RGS13: variants seen among roughly 807,000 people sequenced by gnomAD.
The protein encoded by RGS13 is regulator of G protein signaling 13.
Under a neutral mutation model 19.9 loss-of-function variants are expected in RGS13, and 14 were observed. The ratio of observed to expected loss-of-function variants is 0.70; its 90% confidence interval spans 0.46 to 1.10. The LOEUF is 1.10. Ranked by LOEUF, RGS13 falls within the 50% of genes least tolerant of loss-of-function variation. RGS13 has a pLI of 0.00. For missense variants in RGS13, 205 were observed against 187.1 expected, an observed-to-expected ratio of 1.10 and a Z score of -0.56; for synonymous variants, 60 against 56.8, an observed-to-expected ratio of 1.06 and a Z score of -0.25.
chr1:192,655,327 T>C (rs1363740398), intron 5 of RGS13, among the ~76,000 whole-genome samples: 1 of 152,164 alleles, frequency 6.6e-6, no homozygotes, highest in Non-Finnish European at 1.5e-5. Flanking sequence ...TCGCTAGTCA[T>C]CACATGGTAA....
At chr1:192,641,267 A>G (rs1571578443) in intron 3 of RGS13, among the ~76,000 whole-genome samples, 1 of 108,732 alleles carries the variant, frequency 9.2e-6, no homozygotes, top group Admixed American at 1.1e-4. Flanking sequence ...AGAAAGAAAG[A>G]AAGAAAGAAA....
chr1:192,657,173 T>C lies in RGS13; in HGVS notation c.128-1028T>C, dbSNP rs145474525. On this transcript the variant is annotated intron_variant, in intron 5 of 6. Transcript: ENST00000391995. ...GTAAACAAAATATCCTAACAGTCTC[T>C]AGGTGGTTATTACTCAGTGTGCCTA... is the stretch of plus-strand genomic sequence containing the variant. Among the ~76,000 whole-genome samples the C allele has an allele frequency of 1.4e-4, 21 of 152,258 alleles. No homozygotes were observed. The East Asian group carries it at 3.9e-3, about 28-fold the overall frequency.
At chr1:192,655,507 T>C (rs931579412) in intron 5 of RGS13, among the ~76,000 whole-genome samples, 7 of 152,182 alleles carry the variant, frequency 4.6e-5, no homozygotes, top group Admixed American at 3.3e-4. Flanking sequence ...CTGTGGGACA[T>C]AGGAAATAGA....
At chr1:192,646,538 T>C (rs1304116498) in intron 4 of RGS13, 2 of 152,178 alleles carry the variant, frequency 1.3e-5, no homozygotes. Flanking sequence ...GATGTGCAGG[T>C]TTGTTACATA....
At chr1:192,649,596 T>C (rs1479516147) in intron 5 of RGS13, among the ~76,000 whole-genome samples, 1 of 152,124 alleles carries the variant, frequency 6.6e-6, no homozygotes, top group East Asian at 1.9e-4. Context: ...AAAATCTTGG[T>C]ATTTAGTACT....
intron 5 of RGS13, among the ~76,000 whole-genome samples, chr1:192,655,033 G>A (rs537855901): frequency 3.3e-5 from 5 of 152,172 alleles, no homozygotes; most frequent in Non-Finnish European, 5.9e-5. Context: ...AGCCTACATT[G>A]CCTGATTTAG....
At chr1:192,643,863 G>T (rs966846584) in intron 3 of RGS13, among the ~76,000 whole-genome samples, 1 of 151,930 alleles carries the variant, frequency 6.6e-6, no homozygotes. Context: ...GAGGTGGGAG[G>T]GTCACCTAAG....
chr1:192,640,290 G>T (rs1277440995), intron 3 of RGS13, among the ~76,000 whole-genome samples: 1 of 152,150 alleles, frequency 6.6e-6, no homozygotes, highest in Non-Finnish European at 1.5e-5. Flanking sequence ...TTGAACTAAT[G>T]CAGTTCAAGG....
At chr1:192,655,969 G>C (rs1467333751) in intron 5 of RGS13, among the ~76,000 whole-genome samples, 1 of 152,012 alleles carries the variant, frequency 6.6e-6, no homozygotes, top group Non-Finnish European at 1.5e-5. Context: ...AAGAATTGTA[G>C]AACCATTTGG....
chr1:192,646,191 C>T (rs1313736391), intron 4 of RGS13: 1 of 152,178 alleles, frequency 6.6e-6, no homozygotes, highest in African/African-American at 2.4e-5. Context: ...CTGGCAGGAT[C>T]CGTCTGAATT....
At chr1:192,658,529 C>T in intron 6 of RGS13, 162 bp downstream of exon 6, 1 of 582,276 alleles carries the variant, frequency 1.7e-6, no homozygotes, top group South Asian at 3.1e-5. Flanking sequence ...AAACCTGAGA[C>T]TCTGAGAACT....
intron 3 of RGS13, among the ~76,000 whole-genome samples, chr1:192,641,162 AAGAG>A (rs777526392): frequency 9.3e-5 from 14 of 151,134 alleles, no homozygotes; most frequent in Non-Finnish European, 1.5e-4. Flanking sequence ...AGAGGAAAGA[AAGAG>A]AGAGAAAGAA....
At chr1:192,658,727 T>TG (rs1376143632) in intron 6 of RGS13, 2 of 191,714 alleles carry the variant, frequency 1.0e-5, no homozygotes, top group African/African-American at 4.7e-5. Flanking sequence ...CATTTGAGAA[T>TG]CCTGTGTTGT....
chr1:192,648,825 T>C (rs760263565), intron 5 of RGS13, among the ~76,000 whole-genome samples: 2 of 152,120 alleles, frequency 1.3e-5, no homozygotes, highest in Admixed American at 1.3e-4. Context: ...GCTACTTACA[T>C]GCTTTAACTA....
intron 5 of RGS13, among the ~76,000 whole-genome samples, chr1:192,653,399 T>C (rs1312655958): frequency 6.6e-6 from 1 of 152,144 alleles, no homozygotes; most frequent in African/African-American, 2.4e-5. Context: ...GAAATCCTTC[T>C]GAAAGCAATT....
chr1:192,656,595 T>TACATTTATA (rs758128764), intron 5 of RGS13, among the ~76,000 whole-genome samples: 27 of 152,098 alleles, frequency 1.8e-4, no homozygotes, highest in Non-Finnish European at 3.2e-4. Context: ...TTTTCTATGT[T>TACATTTATA]ACATTTATAT....
At chr1:192,658,542 T>C in intron 6 of RGS13, 175 bp downstream of exon 6, 1 of 547,006 alleles carries the variant, frequency 1.8e-6, no homozygotes, top group South Asian at 3.3e-5. Flanking sequence ...TGAGAACTTG[T>C]CCAGTGTCAC....
chr1:192,654,662 T>C (rs1663403822), intron 5 of RGS13, among the ~76,000 whole-genome samples: 1 of 152,062 alleles, frequency 6.6e-6, no homozygotes, highest in Non-Finnish European at 1.5e-5. Context: ...CTGCCTGGTG[T>C]AAGCCTTGCA....
intron 5 of RGS13, among the ~76,000 whole-genome samples, chr1:192,656,187 C>A (rs1198087945): frequency 6.6e-6 from 1 of 152,064 alleles, no homozygotes; most frequent in Non-Finnish European, 1.5e-5. Flanking sequence ...TACTCATCCA[C>A]TCAACCCATC....
Sources: allele counts gnomAD v4.1 joint callset (sites outside exome capture counted in the v4.1 genomes callset), GRCh38; gene constraint gnomAD v4.1.1; transcripts MANE v1.5; gene names NCBI Gene and HGNC (gene_info 2026-07-23, HGNC 2026-07-21).